Variants in NBAS observed in about 807,000 individuals in gnomAD.
The protein encoded by NBAS is NBAS subunit of NRZ tethering complex.
A neutral mutation model predicts 302.5 loss-of-function variants in NBAS; 219 were observed. That is an observed-to-expected ratio of 0.72 (90% confidence interval 0.65 to 0.81). The LOEUF is 0.81. Ranked by LOEUF, NBAS falls within the 30% of genes least tolerant of loss-of-function variation. The pLI, the probability that NBAS is intolerant of heterozygous loss-of-function variation, is 0.00. For missense variants in NBAS, 2,932 were observed against 2,841.6 expected (o/e 1.03, Z -0.72); for synonymous variants, 1,118 against 1,021.6 (o/e 1.09, Z -1.80).
chr2:15,132,533 A>G, the NBAS span, among the ~76,000 whole-genome samples: 1 of 152,230 alleles, frequency 6.6e-6, no homozygotes. Flanking sequence ...ACAAATCCAT[A>G]CAATATACAT....
At chr2:15,487,935 T>C (rs1296463261) in intron 12 of NBAS, among the ~76,000 whole-genome samples, 1 of 152,170 alleles carries the variant, frequency 6.6e-6, no homozygotes, top group Non-Finnish European at 1.5e-5. Context: ...TAAAGCTGTG[T>C]ATAAGACAAA....
the NBAS span, among the ~76,000 whole-genome samples, chr2:15,149,845 T>C: frequency 1.6e-4 from 25 of 152,158 alleles, no homozygotes; most frequent in African/African-American, 6.0e-4. Context: ...ATATTTTTCT[T>C]GATCTTGAAT....
chr2:15,482,715 T>C (rs1367670752), intron 12 of NBAS, among the ~76,000 whole-genome samples: 1 of 152,106 alleles, frequency 6.6e-6, no homozygotes. Flanking sequence ...CAAAGTCAGC[T>C]TTCCTGGATC....
At chr2:15,479,810 G>T (rs1458679843) in intron 12 of NBAS, among the ~76,000 whole-genome samples, 3 of 152,174 alleles carry the variant, frequency 2.0e-5, no homozygotes, top group African/African-American at 7.2e-5. Context: ...AACACAAGGT[G>T]AAGATGTGTT....
rs563372982 is a variant in NBAS, at chr2:15,551,878, A to G, written c.336-342T>C. On this transcript the variant is annotated intron_variant, in intron 5 of 51. Coordinates refer to ENST00000281513, the MANE Select transcript of NBAS (RefSeq NM_015909.4). ...AATGTGGGATGGGGCCCAAGCAAAA[A>G]TATTTTTTTGCTGGATACATCATTC... 3.9e-5 allele frequency among the ~76,000 whole-genome samples: 6 copies of G among 152,282 alleles called. No individual in the cohort carries two copies. In the South Asian group the frequency reaches 1.2e-3, roughly 32 times the overall value.
chr2:14,963,460 C>T, the NBAS span, among the ~76,000 whole-genome samples: 1 of 152,052 alleles, frequency 6.6e-6, no homozygotes, highest in Non-Finnish European at 1.5e-5. Context: ...ATTTGCCAAC[C>T]CTTGGTGTAA....
the NBAS span, among the ~76,000 whole-genome samples, chr2:15,068,320 C>A: frequency 2.0e-5 from 3 of 152,130 alleles, no homozygotes; most frequent in African/African-American, 2.4e-5. Context: ...TTCATCGATG[C>A]CGAATTCAGT....
the NBAS span, among the ~76,000 whole-genome samples, chr2:14,860,169 G>A: frequency 1.8e-3 from 267 of 152,054 alleles, 1 homozygote; most frequent in African/African-American, 6.1e-3. Context: ...AGTTAAAATC[G>A]CTTTTATCAA....
chr2:15,070,348 A>G, the NBAS span, among the ~76,000 whole-genome samples: 4 of 152,158 alleles, frequency 2.6e-5, no homozygotes, highest in African/African-American at 9.7e-5. Flanking sequence ...TAACAAGAAT[A>G]AAACTCAAAT....
chr2:14,785,692 C>A, the NBAS span, among the ~76,000 whole-genome samples: 969 of 152,284 alleles, frequency 6.4e-3, 14 homozygotes, highest in African/African-American at 0.022. Flanking sequence ...GGTGGATAAG[C>A]TTTTTGATGT....
At chr2:14,841,743 G>A in the NBAS span, among the ~76,000 whole-genome samples, 2 of 151,878 alleles carry the variant, frequency 1.3e-5, no homozygotes, top group Middle Eastern at 3.2e-3. Flanking sequence ...AATAAGAGTA[G>A]TGGACTTCAA....
rs370043999 is a variant in NBAS, at chr2:15,427,700, C to T, written c.2423+11G>A. The T allele has an allele frequency of 3.3e-4, 527 of 1,599,376 alleles. 2 individuals carry two copies. Among genetic ancestry groups the T allele is most frequent in the Non-Finnish European group, 4.3e-4 (500 of 1,168,968 alleles). On this transcript the variant is annotated intron_variant, in intron 22 of 51. Transcript: ENST00000281513. ...AAGAAACAAAGATGCCTCCTGCAGGCTCATACTGACCTGCAAGCCAACTCC... is the reference window on the plus strand; with the variant it reads ...AAGAAACAAAGATGCCTCCTGCAGGTTCATACTGACCTGCAAGCCAACTCC...
At chr2:15,161,136 G>T in the NBAS span, among the ~76,000 whole-genome samples, 1 of 152,122 alleles carries the variant, frequency 6.6e-6, no homozygotes, top group African/African-American at 2.4e-5. Context: ...TTCAAATCCT[G>T]ACTCTCACTC....
chr2:14,857,814 G>T, the NBAS span, among the ~76,000 whole-genome samples: 1 of 151,950 alleles, frequency 6.6e-6, no homozygotes, highest in African/African-American at 2.4e-5. Flanking sequence ...AAACAAAAAC[G>T]GACAAATTGG....
At chr2:15,259,673 C>T (rs909015436) in intron 44 of NBAS, among the ~76,000 whole-genome samples, 19 of 152,278 alleles carry the variant, frequency 1.2e-4, no homozygotes, top group East Asian at 3.9e-4. Context: ...CCATGGATGC[C>T]TTGTTCCAAC....
At chr2:15,538,462 C>A in intron 7 of NBAS, 1 of 296,228 alleles carries the variant, frequency 3.4e-6, no homozygotes, top group South Asian at 3.0e-5. Context: ...AATATTAATA[C>A]CCAGGCCCCA....
intron 48 of NBAS, among the ~76,000 whole-genome samples, chr2:15,217,419 C>T (rs774818588): frequency 1.3e-5 from 2 of 152,164 alleles, no homozygotes; most frequent in Non-Finnish European, 2.9e-5. Context: ...CAAAGATATT[C>T]GTGATGAGGC....
chr2:14,897,542 T>C, the NBAS span, among the ~76,000 whole-genome samples: 1 of 152,132 alleles, frequency 6.6e-6, no homozygotes, highest in Non-Finnish European at 1.5e-5. Flanking sequence ...CACCCTGGTC[T>C]AATGCCCCTA....
chr2:15,485,221 C>T lies in NBAS; in HGVS notation c.1083+3673G>A, dbSNP rs1218731844. On this transcript the variant is annotated intron_variant, in intron 12 of 51. Coordinates refer to ENST00000281513, the MANE Select transcript of NBAS (RefSeq NM_015909.4). ...AGAGCTGAAGGAATCTGTATCACAT[C>T]CACCGAGAAAAAGGATTTGTCTCTG... Among the ~76,000 whole-genome samples the T allele has an allele frequency of 2.6e-5, 4 of 151,934 alleles. No homozygotes were observed. In the South Asian group the frequency reaches 8.4e-4, roughly 32 times the overall value.
Sources: gnomAD v4.1 joint callset for allele counts (sites outside exome capture counted in the v4.1 genomes callset) on GRCh38, gnomAD v4.1.1 for gene constraint, MANE v1.5 for transcripts, NCBI Gene and HGNC (gene_info 2026-07-23, HGNC 2026-07-21) for gene names.